GRID1: variants seen among roughly 807,000 people sequenced by gnomAD.
The protein encoded by GRID1 is glutamate ionotropic receptor delta type subunit 1, also known as glutamate receptor ionotropic, delta-1.
In GRID1, 28 loss-of-function variants were observed where a neutral mutation model predicts 98.0. The ratio of observed to expected loss-of-function variants is 0.29; its 90% CI spans 0.21 to 0.39. GRID1 has a LOEUF of 0.39. Among genes scored for constraint, GRID1 ranks in the 10% least tolerant of loss-of-function variants. The probability of loss-of-function intolerance (pLI) is 1.00; values close to 1 mark genes in which losing one functional copy is unlikely to be tolerated. For missense variants in GRID1, 1,111 were observed against 1,340.5 expected (o/e 0.83, Z 2.67); for synonymous variants, 553 against 538.5 (o/e 1.03, Z -0.37).
intron 2 of GRID1, among the ~76,000 whole-genome samples, chr10:86,221,378 A>C (rs1846251976): frequency 1.3e-5 from 2 of 152,190 alleles, no homozygotes; most frequent in Admixed American, 1.3e-4. Context: ...CAGGTTATCA[A>C]ATTGCCTCCC....
chr10:85,742,879 G>A lies in GRID1; in HGVS notation c.1234-13265C>T, dbSNP rs577082768. On this transcript the variant is annotated intron_variant, in intron 8 of 15. Coordinates refer to ENST00000327946, the MANE Select transcript of GRID1 (RefSeq NM_017551.3). ...AGTTCTCTTGAGATACTTGCTCTAGGACAAAGCTTTTCAACCTGACACTAT... is the reference window on the plus strand; with the variant it reads ...AGTTCTCTTGAGATACTTGCTCTAGAACAAAGCTTTTCAACCTGACACTAT... 2.0e-5 allele frequency among the ~76,000 whole-genome samples: 3 copies of A among 152,222 alleles called. No individual in the cohort carries two copies. The East Asian group carries it at 5.8e-4, about 29-fold the overall frequency.
intron 4 of GRID1, among the ~76,000 whole-genome samples, chr10:86,054,995 C>G (rs1843553321): frequency 6.6e-6 from 1 of 152,198 alleles, no homozygotes; most frequent in African/African-American, 2.4e-5. Flanking sequence ...CTTGCCATTT[C>G]CATGAGAATG....
rs934806931 is a variant in GRID1 at position 85,739,431 on chromosome 10, A to C, written c.1234-9817T>G. ...TCCATCTCTAAAAATAAACAAATAA[A>C]AAAAACAGCCAGGCATTGTGTCATG... On this transcript the variant is annotated intron_variant, in intron 8 of 15. Transcript: ENST00000327946. Among the ~76,000 whole-genome samples the C allele has an allele frequency of 2.6e-5, 4 of 152,148 alleles. No homozygotes were observed. The East Asian group carries it at 7.7e-4, about 29-fold the overall frequency.
At position 86,138,875 on chromosome 10, in the gene GRID1, G is replaced by T. The variant is rs368871963; in HGVS notation, c.670C>A (p.Leu224Ile). ...TEELNRYRDTLRRAILLLSPQ... is the reference protein window; with the variant it reads ...TEELNRYRDTIRRAILLLSPQ... Reference sequence around the variant, plus strand: ...CTGAGCAGCAGGATGGCGCGGCGAAGCGTGTCCCGGTAGCGATTCAGCTCC... The same window carrying T: ...CTGAGCAGCAGGATGGCGCGGCGAATCGTGTCCCGGTAGCGATTCAGCTCC... Residue 224 changes from leucine (L) to isoleucine (I), a missense_variant, in exon 4 of 16, where the codon CTT becomes ATT. This residue lies in a region of GRID1 where 346 missense variants were observed against 452.3 expected (regional missense o/e 0.76). Transcript: ENST00000327946. The T allele has an allele frequency of 1.2e-6, 2 of 1,614,104 alleles. No individual in the cohort carries two copies. The highest frequency in any genetic ancestry group is 2.7e-5 in the African/African-American group (2 of 74,936).
chr10:85,855,177 T>C (rs1274369193), intron 7 of GRID1, among the ~76,000 whole-genome samples: 2 of 152,184 alleles, frequency 1.3e-5, no homozygotes, highest in Admixed American at 6.5e-5. Context: ...TAACTCCACA[T>C]CATAGAACCC....
intron 4 of GRID1, among the ~76,000 whole-genome samples, chr10:85,998,544 A>T (rs890431578): frequency 1.3e-5 from 2 of 152,052 alleles, no homozygotes; most frequent in Non-Finnish European, 1.5e-5. Context: ...AGAAAGATTT[A>T]AAAAAAATTA....
intron 2 of GRID1, among the ~76,000 whole-genome samples, chr10:86,316,107 A>C (rs538208391): frequency 6.6e-6 from 1 of 152,230 alleles, no homozygotes; most frequent in African/African-American, 2.4e-5. Context: ...CCAGGGAACT[A>C]GAACTGGTCA....
intron 5 of GRID1, among the ~76,000 whole-genome samples, chr10:85,880,802 G>T (rs1238172934): frequency 1.3e-5 from 2 of 152,048 alleles, no homozygotes; most frequent in South Asian, 2.1e-4. Context: ...GAAATAAAGG[G>T]TATTCAATTA....
chr10:86,145,435 A>G (rs887929285), intron 3 of GRID1, among the ~76,000 whole-genome samples: 7 of 151,882 alleles, frequency 4.6e-5, no homozygotes, highest in Non-Finnish European at 8.8e-5. Context: ...GCCTAACAGC[A>G]TTTTCTATTT....
intron 8 of GRID1, among the ~76,000 whole-genome samples, chr10:85,800,469 T>G (rs376242063): frequency 6.6e-6 from 1 of 152,012 alleles, no homozygotes; most frequent in African/African-American, 2.4e-5. Context: ...TCCAAGATCA[T>G]AGAAAAATCC....
intron 8 of GRID1, among the ~76,000 whole-genome samples, chr10:85,789,601 T>C (rs913537809): frequency 2.0e-5 from 3 of 152,160 alleles, no homozygotes; most frequent in African/African-American, 7.2e-5. Flanking sequence ...CTTCAGAGGA[T>C]GCCCTTTCAG....
At chr10:85,644,473 C>T (rs1843161617) in intron 13 of GRID1, among the ~76,000 whole-genome samples, 1 of 152,122 alleles carries the variant, frequency 6.6e-6, no homozygotes, top group Non-Finnish European at 1.5e-5. Flanking sequence ...TTCTGTGTTA[C>T]CTTCTATTAG....
At chr10:86,102,280 A>C (rs1338535270) in intron 4 of GRID1, among the ~76,000 whole-genome samples, 5 of 152,278 alleles carry the variant, frequency 3.3e-5, no homozygotes. Context: ...GATGCCAGCA[A>C]TGGCTTAGAC....
chr10:86,233,122 A>G (rs1374835072), intron 2 of GRID1, among the ~76,000 whole-genome samples: 1 of 152,022 alleles, frequency 6.6e-6, no homozygotes, highest in African/African-American at 2.4e-5. Flanking sequence ...ACAGGATGTG[A>G]CACCCACTGA....
chr10:85,876,618 T>C (rs1843334680), intron 5 of GRID1, among the ~76,000 whole-genome samples: 1 of 152,170 alleles, frequency 6.6e-6, no homozygotes, highest in African/African-American at 2.4e-5. Flanking sequence ...AGAATCATTT[T>C]GGGGTGGAGC....
At chr10:85,950,072 C>T (rs1842100978) in intron 4 of GRID1, among the ~76,000 whole-genome samples, 1 of 152,044 alleles carries the variant, frequency 6.6e-6, no homozygotes, top group African/African-American at 2.4e-5. Flanking sequence ...GGTAACAAAG[C>T]CTAGCATCAA....
chr10:86,069,222 A>G (rs1027663053), intron 4 of GRID1, among the ~76,000 whole-genome samples: 1 of 152,152 alleles, frequency 6.6e-6, no homozygotes, highest in African/African-American at 2.4e-5. Context: ...CACTGCAGAC[A>G]CGATGATGTA....
At chr10:85,942,573 G>T (rs1331326606) in intron 4 of GRID1, among the ~76,000 whole-genome samples, 17 of 152,186 alleles carry the variant, frequency 1.1e-4, no homozygotes, top group Admixed American at 1.1e-3. Context: ...TCTTTTGCAT[G>T]GACCTGGCGG....
At chr10:85,960,254 C>T (rs1307655057) in intron 4 of GRID1, among the ~76,000 whole-genome samples, 3 of 152,218 alleles carry the variant, frequency 2.0e-5, no homozygotes, top group Non-Finnish European at 4.4e-5. Flanking sequence ...TAATTTTATG[C>T]TTAGCTTTCT....
Sources: allele counts gnomAD v4.1 joint callset (sites outside exome capture counted in the v4.1 genomes callset), GRCh38; gene constraint gnomAD v4.1.1; regional missense constraint gnomAD v4.1.1; transcripts MANE v1.5; gene names NCBI Gene and HGNC (gene_info 2026-07-23, HGNC 2026-07-21).